Variants in FGF5 observed in about 807,000 individuals in gnomAD.
FGF5 encodes the protein heparin-binding growth factor 5.
Under a neutral mutation model 21.8 loss-of-function variants are expected in FGF5, and 23 were observed. The observed-to-expected ratio is 1.05, with a 90% confidence interval of 0.76 to 1.49. The LOEUF is 1.49. FGF5 is among the 40% of genes most tolerant of loss of function. The pLI is 0.00. For missense variants in FGF5, 352 were observed against 332.9 expected (o/e 1.06, Z -0.45); for synonymous variants, 158 against 124.0 (o/e 1.27, Z -1.82).
At chr4:80,278,382 CA>C (rs1422391099) in intron 2 of FGF5, among the ~76,000 whole-genome samples, 1 of 152,032 alleles carries the variant, frequency 6.6e-6, no homozygotes, top group Non-Finnish European at 1.5e-5. Context: ...GTGTTTCCCC[CA>C]TCTACTCCTG....
At position 80,287,276 on chromosome 4, in the gene FGF5, G is replaced by T. The variant is rs570129467; in HGVS notation, c.*604G>T. ...CACTTTTTTATTGTTTTTATTTCTA[G>T]CCATACCTCAGATAATATGTTTAGT... On this transcript the variant is annotated 3_prime_UTR_variant, in exon 3 of 3. Coordinates refer to ENST00000312465, the MANE Select transcript of FGF5 (RefSeq NM_004464.4). 5 of 151,790 alleles carry T rather than the reference G, an allele frequency of 3.3e-5. No homozygotes were observed. The South Asian group carries it at 1.0e-3, about 32-fold the overall frequency. 9.4% of individuals were successfully genotyped at this position (151,790 alleles called of 1,614,324 possible).
At chr4:80,277,292 G>A (rs1720439740) in intron 2 of FGF5, among the ~76,000 whole-genome samples, 1 of 152,096 alleles carries the variant, frequency 6.6e-6, no homozygotes, top group Non-Finnish European at 1.5e-5. Flanking sequence ...ACTCACTGAA[G>A]CTCTTTGATA....
intron 1 of FGF5, among the ~76,000 whole-genome samples, chr4:80,272,240 G>T (rs1254155268): frequency 6.6e-6 from 1 of 152,114 alleles, no homozygotes; most frequent in Non-Finnish European, 1.5e-5. Context: ...TTCAGTTAAA[G>T]ATAATTTTCT....
rs34408322 is a variant in FGF5 at position 80,268,457 on chromosome 4, C to A, written c.355+1278C>A. 6.2e-3 allele frequency: 6,133 copies of A among 985,202 alleles called. 31 individuals carry two copies. The highest frequency in any genetic ancestry group is 6.9e-3 in the Non-Finnish European group (5,716 of 829,320). The allele number at this position is 985,202 out of a possible 1,614,324, so 61.0% of individuals were successfully genotyped here. A position where few individuals can be genotyped will look rare whatever the true frequency, so the allele number is the denominator to read the frequency against. ...GCTCCATCTCAGACCAAAGACTCCACGGGCCATTGGGCTCCTTCTTACACA... is the reference window on the plus strand; with the variant it reads ...GCTCCATCTCAGACCAAAGACTCCAAGGGCCATTGGGCTCCTTCTTACACA... On this transcript the variant is annotated intron_variant, in intron 1 of 2. Coordinates refer to ENST00000312465, the MANE Select transcript of FGF5 (RefSeq NM_004464.4).
chr4:80,269,532 T>A (rs1256940638), intron 1 of FGF5, among the ~76,000 whole-genome samples: 1 of 152,218 alleles, frequency 6.6e-6, no homozygotes, highest in Admixed American at 6.5e-5. Context: ...ATGTAACATG[T>A]ACATTTTCTT....
chr4:80,271,729 T>C (rs1259053385), intron 1 of FGF5, among the ~76,000 whole-genome samples: 2 of 152,220 alleles, frequency 1.3e-5, no homozygotes, highest in African/African-American at 4.8e-5. Context: ...GGCTTAGAAA[T>C]ACTGCCTTGG....
In FGF5 at chr4:80,266,776, C is replaced by T; in HGVS notation, c.-49C>T. On this transcript the variant is annotated 5_prime_UTR_variant, in exon 1 of 3. Coordinates refer to ENST00000312465, the MANE Select transcript of FGF5 (RefSeq NM_004464.4). ...ACGCAGCCGCACAGGGGCTACAGAG[C>T]CCAGAATCAGCCCTACAAGATGCAC... is the stretch of plus-strand genomic sequence containing the variant. 6.8e-7 allele frequency: 1 copy of T among 1,461,160 alleles called. No homozygotes were observed. Among genetic ancestry groups the T allele is most frequent in the South Asian group, 1.3e-5 (1 of 75,034 alleles). The allele number at this position is 1,461,160 out of a possible 1,614,324, so 90.5% of individuals were successfully genotyped here.
At position 80,286,614 on chromosome 4, in the gene FGF5, C is replaced by G. The variant is rs746528773; in HGVS notation, c.749C>G (p.Ser250Cys). ...CCTATCAAGCCAAAGATTCCCCTTT[C>G]TGCACCTCGGAAAAATACCAACTCA... ...PSPIKPKIPL[S>C]APRKNTNSVK... The change falls in exon 3 of 3, where the codon TCT (serine) becomes TGT (cysteine). Residue 250 changes from serine (S) to cysteine (C), a missense_variant. By Grantham distance (112) the Ser-to-Cys change is moderately radical. Coordinates refer to ENST00000312465, the MANE Select transcript of FGF5 (RefSeq NM_004464.4). 4.3e-6 allele frequency: 7 copies of G among 1,613,968 alleles called. No individual in the cohort carries two copies. Among genetic ancestry groups the G allele is most frequent in the African/African-American group, 1.3e-5 (1 of 74,922 alleles).
In FGF5 at chr4:80,288,672, T is replaced by C. The variant is rs1720809946; in HGVS notation, c.*2000T>C. On this transcript the variant is annotated 3_prime_UTR_variant, in exon 3 of 3. Transcript: ENST00000312465. ...CAAGTTCTTAGGGCACATGAAAAAT[T>C]TTAGCTGCCAAACAGGAACTAGTAA... is the stretch of plus-strand genomic sequence containing the variant. 6.6e-6 allele frequency: 1 copy of C among 152,526 alleles called. No individual in the cohort carries two copies. Among genetic ancestry groups the C allele is most frequent in the Non-Finnish European group, 1.5e-5 (1 of 68,020 alleles). The allele number at this position is 152,526 out of a possible 1,614,324, so 9.4% of individuals were successfully genotyped here.
chr4:80,275,817 G>A (rs774613134), intron 2 of FGF5, among the ~76,000 whole-genome samples: 17 of 151,684 alleles, frequency 1.1e-4, no homozygotes, highest in Non-Finnish European at 1.9e-4. Flanking sequence ...CTTTTTCTCT[G>A]GCATACTTAT....
chr4:80,286,187 T>A, intron 2 of FGF5, 138 bp from the exon 3 acceptor site: 1 of 577,506 alleles, frequency 1.7e-6, no homozygotes, highest in Non-Finnish European at 3.0e-6. Flanking sequence ...TAAGCAAACA[T>A]GTCTTTATAA....
rs1298848735 is a variant in FGF5, at chr4:80,266,739, A to C, written c.-86A>C. The C allele has an allele frequency of 1.7e-6, 2 of 1,180,442 alleles. No individual in the cohort carries two copies. Among genetic ancestry groups the C allele is most frequent in the Non-Finnish European group, 2.4e-6 (2 of 841,226 alleles). The allele number at this position is 1,180,442 out of a possible 1,614,324, so 73.1% of individuals were successfully genotyped here. ...GTCCACCCGGTGCGGCGAGGCGGGC[A>C]GAGCCAGAGGCACGCAGCCGCACAG... is the stretch of plus-strand genomic sequence containing the variant. On this transcript the variant is annotated 5_prime_UTR_variant, in exon 1 of 3. Coordinates refer to ENST00000312465, the MANE Select transcript of FGF5 (RefSeq NM_004464.4).
intron 2 of FGF5, among the ~76,000 whole-genome samples, chr4:80,281,717 A>G (rs915394136): frequency 6.6e-6 from 1 of 152,214 alleles, no homozygotes; most frequent in African/African-American, 2.4e-5. Flanking sequence ...TTACTAAGGA[A>G]CAAAACCACA....
Position 80,282,353 on chromosome 4 carries a change from CT to C in FGF5, c.460-3962del, listed in dbSNP as rs540752053. ...AAAATAGTTCGATTTGTTTAAAGTTCTTTTTTTTTTGTCAATTAGGAGTATA... is the reference window on the plus strand; with the variant it reads ...AAAATAGTTCGATTTGTTTAAAGTTCTTTTTTTTTGTCAATTAGGAGTATA... On this transcript the variant is annotated intron_variant, in intron 2 of 2. Coordinates refer to ENST00000312465, the MANE Select transcript of FGF5 (RefSeq NM_004464.4). Among the ~76,000 whole-genome samples the C allele has an allele frequency of 1.1e-3, 159 of 147,884 alleles. 1 individual carries two copies. Among genetic ancestry groups the C allele is most frequent in the African/African-American group, 3.1e-3 (126 of 40,400 alleles).
In FGF5 at chr4:80,275,018, T is replaced by G. The variant is rs750758006; in HGVS notation, c.459+6T>G. 3 of 1,267,382 alleles carry G rather than the reference T, an allele frequency of 2.4e-6. No individual in the cohort carries two copies. Among genetic ancestry groups the G allele is most frequent in the Non-Finnish European group, 3.4e-6 (3 of 880,826 alleles). The allele number at this position is 1,267,382 out of a possible 1,614,324, so 78.5% of individuals were successfully genotyped here. A position where few individuals can be genotyped will look rare whatever the true frequency, so the allele number is the denominator to read the frequency against. On this transcript the variant is annotated splice_donor_region_variant and intron_variant, in intron 2 of 2. Coordinates refer to ENST00000312465, the MANE Select transcript of FGF5 (RefSeq NM_004464.4). ...AAGGAAAACTCCATGCAAGTGTAAG[T>G]AGAACCACTTTATATTTGTTAAAGG...
rs1312716198 is a variant in FGF5 at position 80,290,055 on chromosome 4, C to G, written c.*3383C>G. The G allele has an allele frequency of 6.6e-6, 1 of 151,966 alleles. No individual in the cohort carries two copies. The allele number at this position is 151,966 out of a possible 1,614,324, so 9.4% of individuals were successfully genotyped here. ...AGGGAGGGAATAAATCATGACTTAT[C>G]CCATTTTCAATAACAAAACGAAACT... On this transcript the variant is annotated 3_prime_UTR_variant, in exon 3 of 3. Coordinates refer to ENST00000312465, the MANE Select transcript of FGF5 (RefSeq NM_004464.4).
Position 80,289,667 on chromosome 4 carries a change from T to C in FGF5, c.*2995T>C, listed in dbSNP as rs1303624470. ...ATAAATAGAAATTTTCAATAAGATG[T>C]AGTAACACTGTGATTTATCTTTCAA... On this transcript the variant is annotated 3_prime_UTR_variant, in exon 3 of 3. Transcript: ENST00000312465. 1 of 151,534 alleles carries C rather than the reference T, an allele frequency of 6.6e-6. No individual in the cohort carries two copies. Among genetic ancestry groups the C allele is most frequent in the Non-Finnish European group, 1.5e-5 (1 of 67,996 alleles). 9.4% of individuals were successfully genotyped at this position (151,534 alleles called of 1,614,324 possible).
intron 2 of FGF5, 74 bp downstream of exon 2, chr4:80,275,086 A>G (rs1720375704): frequency 3.3e-6 from 2 of 603,280 alleles, no homozygotes; most frequent in Non-Finnish European, 2.8e-6. Flanking sequence ...TAATTTTCCA[A>G]ATTCATAGGT....
chr4:80,267,218 G>A, intron 1 of FGF5, 39 bp downstream of exon 1: 2 of 1,514,364 alleles, frequency 1.3e-6, no homozygotes, highest in Non-Finnish European at 1.8e-6. Flanking sequence ...GTCCTAGGCG[G>A]CCGCGGAAGA....
Sources: allele counts gnomAD v4.1 joint callset (sites outside exome capture counted in the v4.1 genomes callset), GRCh38; gene constraint gnomAD v4.1.1; transcripts MANE v1.5; gene names NCBI Gene and HGNC (gene_info 2026-07-23, HGNC 2026-07-21).